CEP55: variants seen among roughly 807,000 people sequenced by gnomAD.
The protein encoded by CEP55 is centrosomal protein 55.
A neutral mutation model predicts 63.2 loss-of-function variants in CEP55; 57 were observed. That is an observed-to-expected ratio of 0.90 (90% CI 0.73 to 1.13). The LOEUF (loss-of-function observed/expected upper bound fraction) is 1.13. CEP55 is among the 50% of genes most tolerant of loss of function. The probability of loss-of-function intolerance (pLI) is 0.00; values close to 1 mark genes in which losing one functional copy is unlikely to be tolerated. For synonymous variants in CEP55, 178 were observed against 191.6 expected, an observed-to-expected ratio of 0.93 and a Z score of 0.59; for missense variants, 456 against 518.9, an observed-to-expected ratio of 0.88 and a Z score of 1.18.
At chr10:93,520,468 G>C (rs971901630) in intron 8 of CEP55, among the ~76,000 whole-genome samples, 1 of 151,242 alleles carries the variant, frequency 6.6e-6, no homozygotes, top group Non-Finnish European at 1.5e-5. Flanking sequence ...GCTGTTTTTA[G>C]GGATAATGGA....
Position 93,507,045 on chromosome 10 carries a change from CA to C in CEP55, c.518del (p.Gln173ArgfsTer2). The C allele has an allele frequency of 6.4e-7, 1 of 1,559,328 alleles. No homozygotes were observed. Among genetic ancestry groups the C allele is most frequent in the South Asian group, 1.1e-5 (1 of 89,398 alleles). On this transcript the variant is annotated frameshift_variant, in exon 4 of 9. Coordinates refer to ENST00000371485, the MANE Select transcript of CEP55 (RefSeq NM_018131.5). LOFTEE classifies it high-confidence loss of function. Reference sequence around the variant, plus strand: ...AAATAATATTCATGAAATGGAAATACAGCTGAAAGATGTAAGTTCATTTCCT... The same window carrying C: ...AAATAATATTCATGAAATGGAAATACGCTGAAAGATGTAAGTTCATTTCCT... ...SINNIHEMEI[Q>X]LKDALEKNQQ...
intron 8 of CEP55, among the ~76,000 whole-genome samples, chr10:93,524,905 ACT>A (rs1387179794): frequency 4.6e-5 from 7 of 151,896 alleles, no homozygotes; most frequent in Admixed American, 4.6e-4. Context: ...CATGCTAAAA[ACT>A]CTCAATAAAT....
chr10:93,499,432 T>C (rs2057607913), intron 1 of CEP55, among the ~76,000 whole-genome samples: 1 of 152,176 alleles, frequency 6.6e-6, no homozygotes, highest in Non-Finnish European at 1.5e-5. Context: ...CCCTTCATTG[T>C]TTTTTAAACC....
In CEP55 at chr10:93,515,360, T is replaced by C. The variant is rs148371472; in HGVS notation, c.529-45T>C. 984 of 1,547,290 alleles carry C rather than the reference T, an allele frequency of 6.4e-4. 2 individuals are homozygous for C. The African/African-American group carries it at 0.012, about 19-fold the overall frequency. On this transcript the variant is annotated intron_variant, in intron 4 of 8. Transcript: ENST00000371485. The stretch of plus-strand genomic sequence containing the variant: ...GACTCTCTTGCCCATTTTAAGATTT[T>C]GTTTTTTTATTTTACTGTTGATTTT...
At chr10:93,517,641 T>C (rs1037957059) in intron 6 of CEP55, among the ~76,000 whole-genome samples, 8 of 152,254 alleles carry the variant, frequency 5.3e-5, no homozygotes, top group Non-Finnish European at 7.3e-5. Flanking sequence ...GAATCGAGGC[T>C]GATTCCTAGA....
In CEP55 at chr10:93,517,137, G is replaced by C; in HGVS notation, c.882G>C (p.Leu294=). 1 of 1,613,872 alleles carries C rather than the reference G, an allele frequency of 6.2e-7. No homozygotes were observed. The highest frequency in any genetic ancestry group is 2.2e-5 in the East Asian group (1 of 44,868). ...AAAGAAGGGCAGATGTGCAACATCT[G>C]GAAGATGATAGGCATAAAACAGAGA... ...YSQRRADVQH[L]EDDRHKTEKI... Residue 294 remains leucine, a synonymous_variant, in exon 6 of 9, where the codon CTG becomes CTC. Coordinates refer to ENST00000371485, the MANE Select transcript of CEP55 (RefSeq NM_018131.5).
chr10:93,513,944 C>G (rs1349509229), intron 4 of CEP55, among the ~76,000 whole-genome samples: 2 of 151,310 alleles, frequency 1.3e-5, no homozygotes, highest in Non-Finnish European at 1.5e-5. Context: ...AAAGCCTCCC[C>G]CTCCCCTTTT....
chr10:93,515,597 C>A, intron 5 of CEP55, 42 bp downstream of exon 5: 1 of 1,490,364 alleles, frequency 6.7e-7, no homozygotes, highest in East Asian at 2.3e-5. Flanking sequence ...ATAGGCCTGA[C>A]ATTTTCCAAA....
In CEP55 at chr10:93,517,222, A is replaced by G. The variant is rs775604856; in HGVS notation, c.967A>G (p.Lys323Glu). ...IARGKLEEEK[K>E]RSEELLSQVQ... ...TAGGGGAAAACTTGAAGAAGAGAAG[A>G]AGAGATCCGAAGAGCTCTTATCTCA... The change falls in exon 6 of 9, where the codon AAG becomes GAG. Residue 323 changes from lysine (K) to glutamate (E), a missense_variant. By Grantham distance (56) the Lys-to-Glu change is moderately conservative. Coordinates refer to ENST00000371485, the MANE Select transcript of CEP55 (RefSeq NM_018131.5). 1 of 1,602,044 alleles carries G rather than the reference A, an allele frequency of 6.2e-7. No individual in the cohort carries two copies. The highest frequency in any genetic ancestry group is 1.3e-5 in the African/African-American group (1 of 74,230).
Position 93,527,995 on chromosome 10 carries a change from C to CA in CEP55, c.1239dup (p.Gly414ArgfsTer4), listed in dbSNP as rs1342375601. 1.2e-6 allele frequency: 2 copies of CA among 1,613,838 alleles called. No homozygotes were observed. The highest frequency in any genetic ancestry group is 2.7e-5 in the African/African-American group (2 of 74,858). On this transcript the variant is annotated frameshift_variant, in exon 9 of 9. Transcript: ENST00000371485. LOFTEE classifies it high-confidence loss of function. ...CATCACAGAGCCATTAGTCACTTTC[C>CA]AAGGAGAGACTGAAAACAGAGAAAA... is the stretch of plus-strand genomic sequence containing the variant.
At chr10:93,514,922 G>A (rs1190439534) in intron 4 of CEP55, among the ~76,000 whole-genome samples, 7 of 152,128 alleles carry the variant, frequency 4.6e-5, no homozygotes, top group African/African-American at 1.7e-4. Context: ...ACAGGCACGC[G>A]CCACCATGCC....
At position 93,496,639 on chromosome 10, in the gene CEP55, G is replaced by C. The variant is rs1030691383; in HGVS notation, c.-297G>C. 1 of 152,228 alleles carries C rather than the reference G, an allele frequency of 6.6e-6. No homozygotes were observed. The allele number at this position is 152,228 out of a possible 1,614,324, so 9.4% of individuals were successfully genotyped here. A position where few individuals can be genotyped will look rare whatever the true frequency, so the allele number is the denominator to read the frequency against. ...ACTCCCGGAAGCGGCATCCACACCT[G>C]ATGGTGTGACTCGGCCGACGCGAGC... is the stretch of plus-strand genomic sequence containing the variant. On this transcript the variant is annotated 5_prime_UTR_variant, in exon 1 of 9. Coordinates refer to ENST00000371485, the MANE Select transcript of CEP55 (RefSeq NM_018131.5).
At chr10:93,507,119 C>T (rs1040802531) in intron 4 of CEP55, 63 bp downstream of exon 4, 4 of 963,340 alleles carry the variant, frequency 4.2e-6, no homozygotes. Context: ...TTAAGTTTTA[C>T]AGAAATTGGC....
At chr10:93,510,734 G>A (rs2057738555) in intron 4 of CEP55, 1 of 152,142 alleles carries the variant, frequency 6.6e-6, no homozygotes, top group South Asian at 2.1e-4. Flanking sequence ...CTATAGCACA[G>A]ATAGCAACTT....
chr10:93,526,617 A>G (rs1286360299), intron 8 of CEP55, among the ~76,000 whole-genome samples: 1 of 152,212 alleles, frequency 6.6e-6, no homozygotes, highest in Non-Finnish European at 1.5e-5. Context: ...TCATGCTGCT[A>G]TAAAGACACA....
chr10:93,508,774 G>A (rs550040688), intron 4 of CEP55, among the ~76,000 whole-genome samples: 366 of 152,196 alleles, frequency 2.4e-3, no homozygotes, highest in Middle Eastern at 6.8e-3. Context: ...CTTGGGGTTG[G>A]GGGAGGACAG....
At chr10:93,515,053 G>A (rs57488012) in intron 4 of CEP55, among the ~76,000 whole-genome samples, 1,881 of 152,286 alleles carry the variant, frequency 0.012, 43 homozygotes, top group African/African-American at 0.043. Flanking sequence ...GATTACAGGC[G>A]AGAGCCACCG....
intron 2 of CEP55, 152 bp downstream of exon 2, chr10:93,500,386 T>G (rs960581683): frequency 1.5e-6 from 1 of 669,396 alleles, no homozygotes; most frequent in Non-Finnish European, 2.5e-6. Context: ...AATCTTAAAT[T>G]CCTACTTTGA....
At chr10:93,512,565 A>T in intron 4 of CEP55, among the ~76,000 whole-genome samples, 1 of 152,040 alleles carries the variant, frequency 6.6e-6, no homozygotes, top group South Asian at 2.1e-4. Flanking sequence ...TTTGACTTAA[A>T]TTATTTGTAT....
Sources: allele counts gnomAD v4.1 joint callset (sites outside exome capture counted in the v4.1 genomes callset), GRCh38; gene constraint gnomAD v4.1.1; transcripts MANE v1.5; gene names NCBI Gene and HGNC (gene_info 2026-07-23, HGNC 2026-07-21).